The following KLRG1 variants were observed in gnomAD, a reference collection of about 807,000 sequenced individuals.
KLRG1 encodes killer cell lectin like receptor G1, also known as killer cell lectin-like receptor subfamily G member 1.
KLRG1 carries 16 observed loss-of-function variants against 21.8 expected under a neutral mutation model. The ratio of observed to expected loss-of-function variants is 0.73; its 90% CI spans 0.50 to 1.11. The LOEUF (loss-of-function observed/expected upper bound fraction) is 1.11. Ranked by LOEUF, KLRG1 falls within the 50% of genes most tolerant of loss-of-function variation. KLRG1 has a pLI of 0.00. For missense variants in KLRG1, 173 were observed against 218.3 expected (o/e 0.79, Z 1.31); for synonymous variants, 69 against 75.9 (o/e 0.91, Z 0.47).
the KLRG1 span, among the ~76,000 whole-genome samples, chr12:9,097,119 T>G: frequency 6.6e-6 from 1 of 152,194 alleles, no homozygotes; most frequent in Non-Finnish European, 1.5e-5. Context: ...GAAAAATTCT[T>G]TGAGAATTAT....
intron 1 of KLRG1, among the ~76,000 whole-genome samples, chr12:8,976,012 T>G (rs1446207963): frequency 6.6e-6 from 1 of 152,136 alleles, no homozygotes; most frequent in Non-Finnish European, 1.5e-5. Flanking sequence ...TTGCTACCAT[T>G]TGGCTTAATT....
the KLRG1 span, chr12:9,098,429 G>A: frequency 2.7e-6 from 1 of 368,658 alleles, no homozygotes; most frequent in Non-Finnish European, 4.4e-6. Context: ...GAAGTGAGTA[G>A]TTATATATAT....
the KLRG1 span, among the ~76,000 whole-genome samples, chr12:9,159,771 CT>C: frequency 2.6e-5 from 4 of 151,562 alleles, no homozygotes; most frequent in Non-Finnish European, 5.9e-5. Context: ...GGCCCCTAGA[CT>C]TTTGACTTAT....
the KLRG1 span, among the ~76,000 whole-genome samples, chr12:9,191,616 G>A: frequency 6.6e-6 from 1 of 152,040 alleles, no homozygotes; most frequent in Non-Finnish European, 1.5e-5. Flanking sequence ...GGTGGAAATT[G>A]GTAAAATGTT....
chr12:9,113,480 AAGGACAC>A, the KLRG1 span: 3 of 1,613,912 alleles, frequency 1.9e-6, no homozygotes, highest in Non-Finnish European at 2.5e-6. Flanking sequence ...GGTAGCTCAG[AAGGACAC>A]AGCCCTTCTC....
At chr12:8,965,745 G>T (rs1444881194) in intron 1 of KLRG1, among the ~76,000 whole-genome samples, 5 of 152,200 alleles carry the variant, frequency 3.3e-5, no homozygotes, top group African/African-American at 4.8e-5. Flanking sequence ...TCAATATCGT[G>T]AAAATGGCCA....
chr12:9,075,096 T>C, the KLRG1 span, among the ~76,000 whole-genome samples: 5 of 152,334 alleles, frequency 3.3e-5, no homozygotes, highest in East Asian at 9.6e-4. Context: ...TATGATGTTA[T>C]ATTAGACTAT....
At chr12:9,126,993 AG>A in the KLRG1 span, among the ~76,000 whole-genome samples, 40 of 152,302 alleles carry the variant, frequency 2.6e-4, no homozygotes, top group African/African-American at 7.7e-4. Context: ...TATGAGTAAA[AG>A]CTCTAGACAC....
At chr12:9,161,343 T>C in the KLRG1 span, among the ~76,000 whole-genome samples, 1 of 152,240 alleles carries the variant, frequency 6.6e-6, no homozygotes, top group Admixed American at 6.5e-5. Flanking sequence ...ATTGTTATTA[T>C]TGCAGTTATT....
chr12:9,171,882 A>C, the KLRG1 span, among the ~76,000 whole-genome samples: 1,166 of 152,348 alleles, frequency 7.7e-3, 9 homozygotes, highest in Non-Finnish European at 8.9e-3. Context: ...TCCTTGAAAG[A>C]GACAGGGAGA....
At chr12:9,207,808 A>G in the KLRG1 span, among the ~76,000 whole-genome samples, 29 of 152,208 alleles carry the variant, frequency 1.9e-4, no homozygotes, top group Non-Finnish European at 3.8e-4. Flanking sequence ...GGATAGGGTT[A>G]AAATTATTTT....
chr12:9,191,481 CTG>C, the KLRG1 span, among the ~76,000 whole-genome samples: 1 of 151,822 alleles, frequency 6.6e-6, no homozygotes, highest in Non-Finnish European at 1.5e-5. Context: ...ATTTTCAAAA[CTG>C]AAAAATAAAA....
At chr12:9,014,875 T>C (rs1419296759), downstream of KLRG1, among the ~76,000 whole-genome samples, 1 of 152,012 alleles carries the variant, frequency 6.6e-6, no homozygotes, top group Non-Finnish European at 1.5e-5. Flanking sequence ...GAAGTTAAAG[T>C]GTAGAGTTTT....
the KLRG1 span, chr12:9,169,737 C>A: frequency 1.4e-6 from 1 of 716,628 alleles, no homozygotes; most frequent in Non-Finnish European, 2.0e-6. Context: ...GAAGATTTTC[C>A]TTATATTTAA....
the KLRG1 span, among the ~76,000 whole-genome samples, chr12:9,097,174 C>T: frequency 1.8e-4 from 27 of 152,252 alleles, no homozygotes; most frequent in East Asian, 5.2e-3. Flanking sequence ...TATTTTCCCA[C>T]ATATCCTCTT....
At chr12:9,104,652 C>A in the KLRG1 span, among the ~76,000 whole-genome samples, 2 of 152,054 alleles carry the variant, frequency 1.3e-5, no homozygotes, top group Admixed American at 6.5e-5. Context: ...AAAAACAGAG[C>A]AGTGTGAAGG....
At chr12:9,020,106 G>A in the KLRG1 span, among the ~76,000 whole-genome samples, 1 of 151,742 alleles carries the variant, frequency 6.6e-6, no homozygotes, top group African/African-American at 2.4e-5. Flanking sequence ...TTTAGGGATG[G>A]GGTCTTGCTG....
the KLRG1 span, among the ~76,000 whole-genome samples, chr12:9,136,714 G>A: frequency 6.6e-6 from 1 of 151,856 alleles, no homozygotes; most frequent in African/African-American, 2.4e-5. Context: ...TTTGATAATA[G>A]GCATCCTGAC....
chr12:9,142,192 A>C, the KLRG1 span, among the ~76,000 whole-genome samples: 1 of 152,208 alleles, frequency 6.6e-6, no homozygotes, highest in South Asian at 2.1e-4. Context: ...TTCCCAAAGC[A>C]AACTTCCTTC....
Sources: gnomAD v4.1 joint callset for allele counts (sites outside exome capture counted in the v4.1 genomes callset) on GRCh38, gnomAD v4.1.1 for gene constraint, MANE v1.5 for transcripts, NCBI Gene and HGNC (gene_info 2026-07-23, HGNC 2026-07-21) for gene names.